Variants in SGCE observed in about 807,000 individuals in gnomAD.
The protein encoded by SGCE is sarcoglycan epsilon.
In SGCE, 26 loss-of-function variants were observed where a neutral mutation model predicts 57.8. The observed-to-expected ratio is 0.45, with a 90% CI of 0.33 to 0.62. The LOEUF (loss-of-function observed/expected upper bound fraction) is 0.62. Ranked by LOEUF, SGCE falls within the 20% of genes least tolerant of loss-of-function variation. The probability of loss-of-function intolerance (pLI) is 0.02; values close to 1 mark genes in which losing one functional copy is unlikely to be tolerated. For synonymous variants in SGCE, 183 were observed against 189.5 expected (o/e 0.97, Z 0.28); for missense variants, 468 against 548.6 (o/e 0.85, Z 1.47).
intron 1 of SGCE, 100 bp from the exon 2 acceptor site, chr7:94,629,941 T>A: frequency 7.3e-7 from 1 of 1,374,720 alleles, no homozygotes; most frequent in Non-Finnish European, 1.0e-6. Context: ...TCTCACTATG[T>A]AGACATTTCT....
chr7:94,587,667 T>C, intron 10 of SGCE: 1 of 1,521,784 alleles, frequency 6.6e-7, no homozygotes, highest in Non-Finnish European at 8.8e-7. Context: ...TATTGAACAG[T>C]CTTGTTGAAA....
In SGCE at chr7:94,628,023, T is replaced by C. The variant is rs75872794; in HGVS notation, c.390+179A>G. ...TATAAAAGCTGAAACAAAAACTTTA[T>C]AAACAGAGAAGAATGGCACATTTCC... On this transcript the variant is annotated intron_variant, in intron 3 of 10. Transcript: ENST00000648936. 3,587 of 556,172 alleles carry C rather than the reference T, an allele frequency of 6.4e-3. 13 individuals are homozygous for C. The highest frequency in any genetic ancestry group is 9.5e-3 in the Middle Eastern group (20 of 2,112). The allele number at this position is 556,172 out of a possible 1,614,324, so 34.5% of individuals were successfully genotyped here.
intron 1 of SGCE, among the ~76,000 whole-genome samples, chr7:94,645,367 C>T (rs1421736526): frequency 6.6e-6 from 1 of 152,104 alleles, no homozygotes; most frequent in Non-Finnish European, 1.5e-5. Context: ...GCACTATGGG[C>T]ACCAAAACAA....
intron 1 of SGCE, among the ~76,000 whole-genome samples, chr7:94,650,412 G>A (rs1473048202): frequency 6.6e-6 from 1 of 152,094 alleles, no homozygotes; most frequent in African/African-American, 2.4e-5. Context: ...GTAATTCTAG[G>A]AAGCAAATTA....
chr7:94,638,555 G>A (rs1805925231), intron 1 of SGCE, among the ~76,000 whole-genome samples: 2 of 151,136 alleles, frequency 1.3e-5, no homozygotes, highest in Admixed American at 1.3e-4. Context: ...AGACATTTTG[G>A]TTGCTCCGAA....
chr7:94,601,443 C>CA lies in SGCE; in HGVS notation c.826-587dup, dbSNP rs71123905. On this transcript the variant is annotated intron_variant, in intron 6 of 10. Coordinates refer to ENST00000648936, the MANE Select transcript of SGCE (RefSeq NM_003919.3). ...GTCTTACTTAATTCTATCCCAGTAT[C>CA]AAAAAAAAAAAAAAAAAAAAAAAAA... Among the ~76,000 whole-genome samples, 611 of 89,180 alleles carry CA rather than the reference C, an allele frequency of 6.9e-3. 60 individuals carry two copies. Among genetic ancestry groups the CA allele is most frequent in the Admixed American group, 8.4e-3 (75 of 8,898 alleles). 58.5% of individuals were successfully genotyped at this position (89,180 alleles called of 152,430 possible).
At chr7:94,651,242 C>T (rs1436915255) in intron 1 of SGCE, among the ~76,000 whole-genome samples, 1 of 152,198 alleles carries the variant, frequency 6.6e-6, no homozygotes, top group African/African-American at 2.4e-5. Flanking sequence ...CACAGCATTG[C>T]AGCCCACTTA....
rs1390749442 is a variant in SGCE at position 94,587,716 on chromosome 7, A to G, written c.1297+973T>C. The G allele has an allele frequency of 2.7e-5, 41 of 1,534,120 alleles. No individual in the cohort carries two copies. In the South Asian group the frequency reaches 4.8e-4, roughly 18 times the overall value. The stretch of plus-strand genomic sequence containing the variant: ...AATTAAAGCAAGTAATCAAAATTGT[A>G]GGGAAAAATTCTGATAAACATCTTG... On this transcript the variant is annotated intron_variant, in intron 10 of 10. Coordinates refer to ENST00000648936, the MANE Select transcript of SGCE (RefSeq NM_003919.3).
intron 10 of SGCE, 83 bp from the exon 11 acceptor site, chr7:94,585,598 A>G (rs1320731574): frequency 2.3e-6 from 2 of 876,056 alleles, no homozygotes; most frequent in African/African-American, 3.3e-5. Flanking sequence ...AATTATGGCA[A>G]GGAGAAAGTT....
chr7:94,610,518 C>CA (rs963394494), intron 5 of SGCE, among the ~76,000 whole-genome samples: 2 of 151,924 alleles, frequency 1.3e-5, no homozygotes, highest in South Asian at 2.1e-4. Flanking sequence ...AGTATACGCA[C>CA]AAAAAAATCA....
chr7:94,624,442 A>G (rs1803377251), intron 3 of SGCE: 1 of 380,860 alleles, frequency 2.6e-6, no homozygotes, highest in South Asian at 1.5e-4. Flanking sequence ...TAAAAGGTAT[A>G]TATTTTGAAA....
At chr7:94,637,446 T>A (rs1192463428) in intron 1 of SGCE, among the ~76,000 whole-genome samples, 4 of 152,174 alleles carry the variant, frequency 2.6e-5, no homozygotes, top group African/African-American at 9.7e-5. Context: ...ATCGAAACTC[T>A]TTACCTCAGT....
intron 5 of SGCE, among the ~76,000 whole-genome samples, chr7:94,613,272 A>G (rs1915988): frequency 0.13 from 19,098 of 152,242 alleles, 1,436 homozygotes; most frequent in South Asian, 0.24. Context: ...GTCTGAGTCC[A>G]TGTGTAATAA....
At chr7:94,625,555 T>C (rs1803574167) in intron 3 of SGCE, 1 of 152,116 alleles carries the variant, frequency 6.6e-6, no homozygotes, top group African/African-American at 2.4e-5. Flanking sequence ...GATCCATTCA[T>C]TTAAAATACA....
At chr7:94,599,257 C>A in intron 8 of SGCE, 1 of 305,162 alleles carries the variant, frequency 3.3e-6, no homozygotes, top group Non-Finnish European at 6.0e-6. Flanking sequence ...TATTTATTTT[C>A]TATGATTTAA....
At chr7:94,618,129 A>G (rs1171707952) in intron 5 of SGCE, 2 of 152,272 alleles carry the variant, frequency 1.3e-5, no homozygotes, top group African/African-American at 4.8e-5. Flanking sequence ...CTATCTGCAC[A>G]GCTTCAGAAC....
chr7:94,647,401 G>A (rs777277867), intron 1 of SGCE, among the ~76,000 whole-genome samples: 4 of 151,966 alleles, frequency 2.6e-5, no homozygotes, highest in African/African-American at 7.3e-5. Context: ...CCATCACCAC[G>A]CTAGCCCACA....
Position 94,630,984 on chromosome 7 carries a change from C to T in SGCE, c.110-1143G>A, listed in dbSNP as rs370275311. ...GTCCCTGCAGTTCGGTGGATGGCTGCCAGAAAAGGGGGAACTGAGCTAAAA... is the reference window on the plus strand; with the variant it reads ...GTCCCTGCAGTTCGGTGGATGGCTGTCAGAAAAGGGGGAACTGAGCTAAAA... On this transcript the variant is annotated intron_variant, in intron 1 of 10. Transcript: ENST00000648936. Among the ~76,000 whole-genome samples, 29 of 151,978 alleles carry T rather than the reference C, an allele frequency of 1.9e-4. No homozygotes were observed. The East Asian group carries it at 2.3e-3, about 12-fold the overall frequency.
At chr7:94,652,481 T>C (rs1424747527) in intron 1 of SGCE, among the ~76,000 whole-genome samples, 1 of 152,214 alleles carries the variant, frequency 6.6e-6, no homozygotes, top group Non-Finnish European at 1.5e-5. Flanking sequence ...ATTTCTTCAC[T>C]ACTTCAATAT....
Sources: allele counts gnomAD v4.1 joint callset (sites outside exome capture counted in the v4.1 genomes callset), GRCh38; gene constraint gnomAD v4.1.1; transcripts MANE v1.5; gene names NCBI Gene and HGNC (gene_info 2026-07-23, HGNC 2026-07-21).